SLC15A1: variants seen among roughly 807,000 people sequenced by gnomAD.
SLC15A1 encodes Caco-2 oligopeptide transporter.
In SLC15A1, 83 loss-of-function variants were observed where a neutral mutation model predicts 92.9. The observed-to-expected ratio is 0.89, with a 90% confidence interval of 0.75 to 1.07. SLC15A1 has a LOEUF of 1.07. SLC15A1 is among the 50% of genes least tolerant of loss of function. The pLI, the probability that SLC15A1 is intolerant of heterozygous loss-of-function variation, is 0.00. For synonymous variants in SLC15A1, 322 were observed against 318.2 expected (o/e 1.01, Z -0.13); for missense variants, 857 against 880.1 (o/e 0.97, Z 0.33).
chr13:98,690,057 G>T (rs1000326544), intron 18 of SLC15A1, among the ~76,000 whole-genome samples: 1 of 152,128 alleles, frequency 6.6e-6, no homozygotes, highest in Non-Finnish European at 1.5e-5. Context: ...TGACCAGGAC[G>T]GTGTTGCTCA....
intron 22 of SLC15A1, 100 bp from the exon 23 acceptor site, chr13:98,685,015 G>C (rs2087919536): frequency 7.6e-6 from 8 of 1,059,508 alleles, no homozygotes; most frequent in African/African-American, 3.2e-5. Context: ...CATGCAGATG[G>C]AGAGTGCTTT....
At position 98,707,916 on chromosome 13, in the gene SLC15A1, A is replaced by T. The variant is rs1204042502; in HGVS notation, c.1149+770T>A. Among the ~76,000 whole-genome samples the T allele has an allele frequency of 1.1e-3, 140 of 132,614 alleles. 2 individuals carry two copies. Among genetic ancestry groups the T allele is most frequent in the African/African-American group, 3.8e-3 (139 of 36,676 alleles). The allele number at this position is 132,614 out of a possible 152,430, so 87.0% of individuals were successfully genotyped here. On this transcript the variant is annotated intron_variant, in intron 15 of 22. Coordinates refer to ENST00000376503, the MANE Select transcript of SLC15A1 (RefSeq NM_005073.4). ...TAAAAAAAAAAAAAAAAAAAAAAAAAAAAAAGAATACGGTAAATGTTATGT... is the reference window on the plus strand; with the variant it reads ...TAAAAAAAAAAAAAAAAAAAAAAAATAAAAAGAATACGGTAAATGTTATGT...
At chr13:98,702,967 C>CAAAA (rs535486738) in intron 17 of SLC15A1, among the ~76,000 whole-genome samples, 6 of 77,682 alleles carry the variant, frequency 7.7e-5, no homozygotes, top group East Asian at 4.9e-4. Context: ...GATCCTGTCT[C>CAAAA]AAAAAAAAAA....
At chr13:98,713,872 C>T (rs867080956) in intron 9 of SLC15A1, among the ~76,000 whole-genome samples, 1 of 151,956 alleles carries the variant, frequency 6.6e-6, no homozygotes, top group South Asian at 2.1e-4. Flanking sequence ...CATAGCAAAA[C>T]CCTGTCTCTA....
intron 8 of SLC15A1, among the ~76,000 whole-genome samples, 164 bp downstream of exon 8, chr13:98,719,073 C>T (rs1355240731): frequency 6.6e-6 from 1 of 152,150 alleles, no homozygotes; most frequent in South Asian, 2.1e-4. Context: ...TGTGCCAATC[C>T]TACTTTCTTT....
In SLC15A1 at chr13:98,726,039, A is replaced by T. The variant is rs1594000152; in HGVS notation, c.245+84T>A. The T allele has an allele frequency of 5.3e-6, 8 of 1,515,206 alleles. No individual in the cohort carries two copies. The East Asian group carries it at 1.8e-4, about 35-fold the overall frequency. The allele number at this position is 1,515,206 out of a possible 1,614,324, so 93.9% of individuals were successfully genotyped here. On this transcript the variant is annotated intron_variant, in intron 4 of 22. Transcript: ENST00000376503. ...AAGAGTTTCTGTTCTTTGATTCATC[A>T]TTCCCAGATTCCACCATTCCCAACT...
intron 18 of SLC15A1, among the ~76,000 whole-genome samples, chr13:98,695,349 G>A (rs1267362809): frequency 6.6e-6 from 1 of 152,062 alleles, no homozygotes; most frequent in Non-Finnish European, 1.5e-5. Flanking sequence ...AGCCTTCCGA[G>A]TAGCTAGGAC....
At chr13:98,739,295 G>T (rs2088420978) in intron 1 of SLC15A1, among the ~76,000 whole-genome samples, 1 of 152,176 alleles carries the variant, frequency 6.6e-6, no homozygotes, top group Non-Finnish European at 1.5e-5. Flanking sequence ...AGACTTTGGG[G>T]GATTATTGGG....
chr13:98,712,433 T>C lies in SLC15A1; in HGVS notation c.810+65A>G, dbSNP rs960077716. ...TTTGTCCATGTAACCTTAATCTGAA[T>C]TGAGATTTTTCAGTGTTCACTTCCT... is the stretch of plus-strand genomic sequence containing the variant. On this transcript the variant is annotated intron_variant, in intron 10 of 22. Transcript: ENST00000376503. The C allele has an allele frequency of 2.8e-5, 35 of 1,249,924 alleles. No homozygotes were observed. The Admixed American group carries it at 4.9e-4, about 18-fold the overall frequency. 77.4% of individuals were successfully genotyped at this position (1,249,924 alleles called of 1,614,324 possible). A position where few individuals can be genotyped will look rare whatever the true frequency, so the allele number is the denominator to read the frequency against.
At chr13:98,710,700 C>T (rs2088154071) in intron 11 of SLC15A1, among the ~76,000 whole-genome samples, 1 of 148,096 alleles carries the variant, frequency 6.8e-6, no homozygotes, top group Admixed American at 7.0e-5. Flanking sequence ...CTCAGCTGCT[C>T]AGGAGGCAGA....
At chr13:98,749,009 A>G (rs534981620) in intron 1 of SLC15A1, among the ~76,000 whole-genome samples, 1 of 152,348 alleles carries the variant, frequency 6.6e-6, no homozygotes, top group Admixed American at 6.5e-5. Flanking sequence ...TTAGCCCAAA[A>G]GAACCCAATG....
At chr13:98,751,741 C>A (rs1430290081) in intron 1 of SLC15A1, among the ~76,000 whole-genome samples, 1 of 152,208 alleles carries the variant, frequency 6.6e-6, no homozygotes, top group African/African-American at 2.4e-5. Flanking sequence ...ACACATCACT[C>A]CACCAGGACC....
intron 9 of SLC15A1, among the ~76,000 whole-genome samples, chr13:98,713,866 G>A (rs1020228806): frequency 2.6e-5 from 4 of 152,042 alleles, no homozygotes; most frequent in Non-Finnish European, 5.9e-5. Flanking sequence ...AGCCAACATA[G>A]CAAAACCCTG....
chr13:98,715,955 A>ATCTTCTGCCC lies in SLC15A1; in HGVS notation c.645_646insGGGCAGAAGA (p.Phe216GlyfsTer23). 1 of 1,614,086 alleles carries ATCTTCTGCCC rather than the reference A, an allele frequency of 6.2e-7. No individual in the cohort carries two copies. Among genetic ancestry groups the ATCTTCTGCCC allele is most frequent in the South Asian group, 1.1e-5 (1 of 91,084 alleles). On this transcript the variant is annotated frameshift_variant, in exon 9 of 23. Transcript: ENST00000376503. LOFTEE classifies it high-confidence loss of function. Reference sequence around the variant, plus strand: ...TTGTACATCCCACTGCCAAGGACAAACACAACTAGATAGGGCAGAAGAAGA... The same window carrying ATCTTCTGCCC: ...TTGTACATCCCACTGCCAAGGACAAATCTTCTGCCCCACAACTAGATAGGGCAGAAGAAGA...
chr13:98,728,977 TAAAAAAAAAAA>T (rs71218592), intron 1 of SLC15A1, among the ~76,000 whole-genome samples: 1 of 13,900 alleles, frequency 7.2e-5, no homozygotes, highest in Non-Finnish European at 1.2e-4. Flanking sequence ...TAAGGCTCTG[TAAAAAAAAAAA>T]AAAAAAAAAA....
rs765369118 is a variant in SLC15A1 at position 98,724,017 on chromosome 13, A to G, written c.260T>C (p.Leu87Pro). 2 of 1,614,050 alleles carry G rather than the reference A, an allele frequency of 1.2e-6. No homozygotes were observed. The highest frequency in any genetic ancestry group is 1.1e-5 in the South Asian group (1 of 91,070). Residue 87 changes from leucine (L) to proline (P), a missense_variant, in exon 5 of 23, where the codon CTC becomes CCC. Coordinates refer to ENST00000376503, the MANE Select transcript of SLC15A1 (RefSeq NM_005073.4). Reference protein sequence around the residue: ...WLGKFKTIVSLSIVYTIGQAV... With the variant: ...WLGKFKTIVSPSIVYTIGQAV... ...TTGTCCAATTGTGTAGACAATGGAG[A>G]GCGACACAATGGTCCTGTGTTTCCA...
intron 9 of SLC15A1, 141 bp from the exon 10 acceptor site, chr13:98,712,725 G>A: frequency 1.7e-6 from 1 of 587,742 alleles, no homozygotes; most frequent in Non-Finnish European, 3.0e-6. Context: ...TAGTATATGA[G>A]TACTTATTTC....
At position 98,687,614 on chromosome 13, in the gene SLC15A1, GA is replaced by G; in HGVS notation, c.1793del (p.Phe598SerfsTer17). On this transcript the variant is annotated frameshift_variant, in exon 21 of 23. Transcript: ENST00000376503. LOFTEE classifies it high-confidence loss of function. Reference sequence around the variant, plus strand: ...ATGAGAATTCCAATCCCGTGACAGAGAAGACCACTTCGCCACAGGTGAGAAG... The same window carrying G: ...ATGAGAATTCCAATCCCGTGACAGAGAGACCACTTCGCCACAGGTGAGAAG... Reference protein sequence around the residue: ...YFLLTCGEVVFSVTGLEFSYS... With the variant: ...YFLLTCGEVVXSVTGLEFSYS... 2 of 1,614,182 alleles carry G rather than the reference GA, an allele frequency of 1.2e-6. No individual in the cohort carries two copies. The highest frequency in any genetic ancestry group is 1.7e-6 in the Non-Finnish European group (2 of 1,180,028).
At chr13:98,742,248 C>T (rs1360827391) in intron 1 of SLC15A1, among the ~76,000 whole-genome samples, 2 of 152,254 alleles carry the variant, frequency 1.3e-5, no homozygotes, top group Non-Finnish European at 2.9e-5. Context: ...CAGCCGCAGC[C>T]TGGCCCCGGC....
Sources: gnomAD v4.1 joint callset for allele counts (sites outside exome capture counted in the v4.1 genomes callset) on GRCh38, gnomAD v4.1.1 for gene constraint, MANE v1.5 for transcripts, NCBI Gene and HGNC (gene_info 2026-07-23, HGNC 2026-07-21) for gene names.